The following XPO5 variants were observed in gnomAD, a reference collection of about 807,000 sequenced individuals.
XPO5 encodes exportin-5.
XPO5 carries 46 observed loss-of-function variants against 160.6 expected under a neutral mutation model. The observed-to-expected ratio is 0.29, with a 90% CI of 0.23 to 0.37. The LOEUF (loss-of-function observed/expected upper bound fraction) is 0.37. Among genes scored for constraint, XPO5 ranks in the 10% least tolerant of loss-of-function variants. The probability of loss-of-function intolerance (pLI) is 1.00; values close to 1 mark genes in which losing one functional copy is unlikely to be tolerated. For synonymous variants in XPO5, 537 were observed against 519.3 expected (o/e 1.03, Z -0.46); for missense variants, 1,090 against 1,463.9 (o/e 0.74, Z 4.17).
chr6:43,528,461 G>C (rs902937070), intron 24 of XPO5, among the ~76,000 whole-genome samples: 11 of 151,856 alleles, frequency 7.2e-5, no homozygotes, highest in African/African-American at 2.7e-4. Flanking sequence ...TAGAATTCCT[G>C]GGTCTCTAGA....
At chr6:43,545,503 T>TC (rs2127726078) in intron 20 of XPO5, among the ~76,000 whole-genome samples, 1 of 152,116 alleles carries the variant, frequency 6.6e-6, no homozygotes, top group Admixed American at 6.5e-5. Flanking sequence ...GGCCAGGAGT[T>TC]CGAGACCAGC....
chr6:43,552,224 A>AT (rs2127734005), intron 14 of XPO5, among the ~76,000 whole-genome samples: 1 of 151,816 alleles, frequency 6.6e-6, no homozygotes, highest in Non-Finnish European at 1.5e-5. Flanking sequence ...TGCCCGGCTA[A>AT]TTTTTGTATT....
chr6:43,545,793 C>T (rs1164939051), intron 20 of XPO5, among the ~76,000 whole-genome samples: 1 of 152,004 alleles, frequency 6.6e-6, no homozygotes, highest in Non-Finnish European at 1.5e-5. Flanking sequence ...ATAAAAAAAC[C>T]TATCTTTTCA....
At chr6:43,573,712 C>T (rs534986464) in intron 1 of XPO5, 111 bp from the exon 2 acceptor site, 2 of 1,326,044 alleles carry the variant, frequency 1.5e-6, no homozygotes, top group Non-Finnish European at 2.0e-6. Flanking sequence ...TCACACCTGT[C>T]CCAGCACTCT....
chr6:43,528,543 G>A (rs1394345268), intron 24 of XPO5, among the ~76,000 whole-genome samples: 2 of 152,094 alleles, frequency 1.3e-5, no homozygotes, highest in African/African-American at 4.8e-5. Context: ...AGCATTCCTG[G>A]CAAGGGTCTG....
intron 1 of XPO5, 132 bp downstream of exon 1, chr6:43,575,628 G>A: frequency 4.0e-6 from 3 of 745,692 alleles, no homozygotes; most frequent in Admixed American, 5.6e-5. Flanking sequence ...CGAGGGGAAG[G>A]TCCCGGGGAG....
chr6:43,568,622 C>A, intron 6 of XPO5, 89 bp downstream of exon 6: 8 of 1,191,928 alleles, frequency 6.7e-6, no homozygotes, highest in Non-Finnish European at 9.2e-6. Context: ...ACAACACAAG[C>A]AAGGCTGAGG....
Position 43,522,495 on chromosome 6 carries a change from A to G in XPO5, c.*1373T>C, listed in dbSNP as rs1582186371. 4.8e-6 allele frequency: 1 copy of G among 206,522 alleles called. No homozygotes were observed. The highest frequency in any genetic ancestry group is 1.1e-5 in the Non-Finnish European group (1 of 93,446). 12.8% of individuals were successfully genotyped at this position (206,522 alleles called of 1,614,324 possible). On this transcript the variant is annotated 3_prime_UTR_variant, in exon 32 of 32. Transcript: ENST00000265351. ...TACAACTACATCCTCCACAGCCCCA[A>G]CCAGACAGGAATAGGCAGCTATCAG...
At chr6:43,570,022 TTTTTTTTTA>T (rs1762918384) in intron 5 of XPO5, among the ~76,000 whole-genome samples, 2 of 144,042 alleles carry the variant, frequency 1.4e-5, no homozygotes, top group African/African-American at 5.4e-5. Context: ...TTTTTTTTTT[TTTTTTTTTA>T]AAAAAGGCCA....
intron 20 of XPO5, chr6:43,539,297 T>G: frequency 6.5e-7 from 1 of 1,544,848 alleles, no homozygotes; most frequent in Non-Finnish European, 8.8e-7. Flanking sequence ...CAGACCGACG[T>G]GGCCACTGTA....
At chr6:43,533,727 C>A in intron 21 of XPO5, 180 bp downstream of exon 21, 1 of 375,322 alleles carries the variant, frequency 2.7e-6, no homozygotes. Flanking sequence ...TCCAACTACT[C>A]GGGAGGCTGA....
intron 6 of XPO5, 111 bp from the exon 7 acceptor site, chr6:43,567,465 A>ATG (rs1762754674): frequency 2.0e-6 from 2 of 983,208 alleles, no homozygotes; most frequent in Admixed American, 6.5e-5. Flanking sequence ...TTTTTTAAGA[A>ATG]TATACTCATG....
intron 11 of XPO5, among the ~76,000 whole-genome samples, chr6:43,559,746 G>A (rs979355342): frequency 2.0e-5 from 3 of 152,172 alleles, no homozygotes; most frequent in African/African-American, 7.2e-5. Flanking sequence ...TTCTTCCTAA[G>A]GAATAAGAAA....
At chr6:43,524,395 A>G in intron 31 of XPO5, 76 bp downstream of exon 31, 3 of 1,520,180 alleles carry the variant, frequency 2.0e-6, no homozygotes, top group Non-Finnish European at 2.6e-6. Context: ...GTCAATAACT[A>G]CAGCTGGTTT....
chr6:43,526,750 A>G lies in XPO5; in HGVS notation c.2921-3T>C. On this transcript the variant is annotated splice_polypyrimidine_tract_variant and splice_region_variant and intron_variant, in intron 26 of 31. Coordinates refer to ENST00000265351, the MANE Select transcript of XPO5 (RefSeq NM_020750.3). Reference sequence around the variant, plus strand: ...CTTCTTTGAAACACAGCAAACCGCTAAAGCAAGAAAGCAGGGTTACTAGGT... The same window carrying G: ...CTTCTTTGAAACACAGCAAACCGCTGAAGCAAGAAAGCAGGGTTACTAGGT... 6.2e-7 allele frequency: 1 copy of G among 1,613,542 alleles called. No individual in the cohort carries two copies. Among genetic ancestry groups the G allele is most frequent in the South Asian group, 1.1e-5 (1 of 90,898 alleles).
chr6:43,563,762 T>C (rs926329914), intron 8 of XPO5, among the ~76,000 whole-genome samples: 1 of 152,120 alleles, frequency 6.6e-6, no homozygotes, highest in African/African-American at 2.4e-5. Flanking sequence ...GTATAAATGA[T>C]AAAAGATGGT....
Position 43,523,252 on chromosome 6 carries a change from A to AAGTTTAGC in XPO5, c.*608_*615dup. On this transcript the variant is annotated 3_prime_UTR_variant, in exon 32 of 32. Transcript: ENST00000265351. ...GAGGTACTATACTTGATACTGTGCC[A>AAGTTTAGC]AGTTTAGCAGTAGCCTGTACCATGG... 1 of 192,684 alleles carries AAGTTTAGC rather than the reference A, an allele frequency of 5.2e-6. No homozygotes were observed. Among genetic ancestry groups the AAGTTTAGC allele is most frequent in the Non-Finnish European group, 1.1e-5 (1 of 91,356 alleles). 11.9% of individuals were successfully genotyped at this position (192,684 alleles called of 1,614,324 possible).
intron 17 of XPO5, 125 bp from the exon 18 acceptor site, chr6:43,548,585 T>C: frequency 1.2e-6 from 1 of 816,330 alleles, no homozygotes; most frequent in Non-Finnish European, 1.8e-6. Context: ...ATAAGGTTAT[T>C]ATTTGGTAAT....
At chr6:43,525,659 T>C (rs755208366) in intron 28 of XPO5, 180 bp downstream of exon 28, 9 of 625,110 alleles carry the variant, frequency 1.4e-5, no homozygotes, top group Non-Finnish European at 2.5e-5. Flanking sequence ...TATGCTGGTA[T>C]GGGAGACACC....
Sources: allele counts gnomAD v4.1 joint callset (sites outside exome capture counted in the v4.1 genomes callset), GRCh38; gene constraint gnomAD v4.1.1; transcripts MANE v1.5; gene names NCBI Gene and HGNC (gene_info 2026-07-23, HGNC 2026-07-21).